CACNA1C: variants seen among roughly 807,000 people sequenced by gnomAD.
The protein encoded by CACNA1C is voltage-dependent L-type calcium channel subunit alpha-1C.
In CACNA1C, 30 loss-of-function variants were observed where a neutral mutation model predicts 229.0. That is an observed-to-expected ratio of 0.13 (90% CI 0.10 to 0.18). The LOEUF is 0.18. Ranked by LOEUF, CACNA1C falls within the 10% of genes least tolerant of loss-of-function variation. The pLI is 1.00. For synonymous variants in CACNA1C, 1,114 were observed against 1,132.5 expected, an observed-to-expected ratio of 0.98 and a Z score of 0.33; for missense variants, 1,658 against 2,845.0, an observed-to-expected ratio of 0.58 and a Z score of 9.49.
At chr12:2,550,698 G>A (rs755483737) in intron 10 of CACNA1C, 91 of 1,303,814 alleles carry the variant, frequency 7.0e-5, no homozygotes, top group Non-Finnish European at 9.0e-5. Flanking sequence ...CACCTGGGGG[G>A]CGGGGCAGGG....
chr12:2,075,552 C>CTCATG (rs1342761760), intron 1 of CACNA1C, among the ~76,000 whole-genome samples: 5 of 152,218 alleles, frequency 3.3e-5, no homozygotes, highest in African/African-American at 1.2e-4. Flanking sequence ...GCTTCTAAAA[C>CTCATG]GCTTTGCCAT....
intron 1 of CACNA1C, among the ~76,000 whole-genome samples, chr12:1,987,565 A>G (rs1437467501): frequency 6.6e-6 from 1 of 152,164 alleles, no homozygotes; most frequent in African/African-American, 2.4e-5. Context: ...TACATCTACG[A>G]CAGTTCTTTC....
intron 3 of CACNA1C, among the ~76,000 whole-genome samples, chr12:2,286,311 C>T (rs1235967463): frequency 1.3e-5 from 2 of 152,212 alleles, no homozygotes; most frequent in East Asian, 3.8e-4. Context: ...CCTTAATTAT[C>T]CTAGGCTCTG....
chr12:2,047,146 A>G (rs1442104441), intron 1 of CACNA1C, among the ~76,000 whole-genome samples: 1 of 152,156 alleles, frequency 6.6e-6, no homozygotes, highest in East Asian at 1.9e-4. Flanking sequence ...TGATTCTATA[A>G]TTTGCTGACA....
intron 3 of CACNA1C, among the ~76,000 whole-genome samples, chr12:2,284,302 T>G (rs1241275258): frequency 6.6e-6 from 1 of 152,072 alleles, no homozygotes; most frequent in Admixed American, 6.5e-5. Flanking sequence ...GATTTTTTTT[T>G]TTTTTTTTGG....
At chr12:2,549,524 G>A (rs2099892520) in intron 9 of CACNA1C, among the ~76,000 whole-genome samples, 1 of 152,222 alleles carries the variant, frequency 6.6e-6, no homozygotes, top group Admixed American at 6.5e-5. Flanking sequence ...GCCCCTTAGA[G>A]ATGGTGGGTG....
chr12:2,394,302 T>C lies in CACNA1C; in HGVS notation c.478-54674T>C, dbSNP rs7305514. Among the ~76,000 whole-genome samples the C allele has an allele frequency of 7.9e-3, 1,199 of 152,254 alleles. 7 individuals carry two copies. The highest frequency in any genetic ancestry group is 0.023 in the African/African-American group (957 of 41,546). On this transcript the variant is annotated intron_variant, in intron 3 of 46. Coordinates refer to ENST00000399655, the MANE Select transcript of CACNA1C (RefSeq NM_000719.7). ...TGGTCCCTGGCCCACAGGAGAAACT[T>C]GGACACAGCCATGATAAACGCAGGC...
At position 2,593,292 on chromosome 12, in the gene CACNA1C, G is replaced by T; in HGVS notation, c.2610G>T (p.Lys870Asn). The T allele has an allele frequency of 6.2e-7, 1 of 1,613,836 alleles. No individual in the cohort carries two copies. ...RPLSELHLKE[K>N]AVPMPEASAF... ...TCTCTGAGCTTCACCTTAAGGAAAA[G>T]GCAGTGCCCATGCCAGAAGCCAGCG... Residue 870 changes from lysine (K) to asparagine (N), a missense_variant, in exon 19 of 47, where the codon AAG (lysine) becomes AAT (asparagine). Lys to Asn is a moderately conservative substitution (Grantham distance 94). Around this residue, in one of 20 missense-constraint regions of CACNA1C, gnomAD observed 121 missense variants for 128.8 expected, o/e 0.94. Coordinates refer to ENST00000399655, the MANE Select transcript of CACNA1C (RefSeq NM_000719.7).
chr12:2,501,229 A>AAAAAAAAAAAAAAAAAC (rs1268725475), intron 7 of CACNA1C, among the ~76,000 whole-genome samples: 1 of 150,870 alleles, frequency 6.6e-6, no homozygotes, highest in Non-Finnish European at 1.5e-5. Flanking sequence ...AAAAAAAAAA[A>AAAAAAAAAAAAAAAAAC]AAAAAGTAAA....
intron 8 of CACNA1C, among the ~76,000 whole-genome samples, chr12:2,509,684 G>GA (rs1358151654): frequency 6.6e-6 from 1 of 152,096 alleles, no homozygotes; most frequent in Non-Finnish European, 1.5e-5. Context: ...CATTATGCTT[G>GA]GGGCCATTTT....
intron 9 of CACNA1C, among the ~76,000 whole-genome samples, chr12:2,527,220 G>C (rs1848782782): frequency 6.6e-6 from 1 of 152,174 alleles, no homozygotes; most frequent in Non-Finnish European, 1.5e-5. Flanking sequence ...AACTTCAATA[G>C]TGCCTTGTGT....
Position 2,651,001 on chromosome 12 carries a change from G to A in CACNA1C, c.3946-639G>A, listed in dbSNP as rs2094906549. On this transcript the variant is annotated intron_variant, in intron 31 of 46. Transcript: ENST00000399655. The surrounding 1 kb of genome is among the most constrained non-coding windows in gnomAD (Gnocchi z 5.4). ...CAAACCAGACCCTCTCCAGCACTGA[G>A]TAGCACCCGTAATCCCTCCCTTTGG... 6.6e-6 allele frequency: 1 copy of A among 152,628 alleles called. No individual in the cohort carries two copies. The highest frequency in any genetic ancestry group is 2.4e-5 in the African/African-American group (1 of 41,456). The allele number at this position is 152,628 out of a possible 1,614,324, so 9.5% of individuals were successfully genotyped here. A position where few individuals can be genotyped will look rare whatever the true frequency, so the allele number is the denominator to read the frequency against.
intron 3 of CACNA1C, among the ~76,000 whole-genome samples, chr12:2,236,477 CA>C (rs1287830176): frequency 1.3e-5 from 2 of 152,134 alleles, no homozygotes; most frequent in African/African-American, 4.8e-5. Flanking sequence ...AGTTAGTAAT[CA>C]ATTTTTTGTT....
intron 3 of CACNA1C, among the ~76,000 whole-genome samples, chr12:2,261,191 C>T (rs186394606): frequency 6.6e-6 from 1 of 151,540 alleles, no homozygotes; most frequent in East Asian, 1.9e-4. Flanking sequence ...GAGATAGTGC[C>T]ACTGCACTCC....
At chr12:2,264,399 A>G (rs1162857948) in intron 3 of CACNA1C, among the ~76,000 whole-genome samples, 2 of 152,218 alleles carry the variant, frequency 1.3e-5, no homozygotes, top group Non-Finnish European at 2.9e-5. Flanking sequence ...GAATGTCTGC[A>G]CTGACAAGAA....
At chr12:2,355,703 C>T (rs540290654) in intron 3 of CACNA1C, among the ~76,000 whole-genome samples, 9 of 152,244 alleles carry the variant, frequency 5.9e-5, no homozygotes, top group African/African-American at 1.2e-4. Context: ...GCAATGGGGG[C>T]GATTTTACCA....
chr12:2,589,664 AC>A (rs2064276333), intron 18 of CACNA1C, among the ~76,000 whole-genome samples: 1 of 145,150 alleles, frequency 6.9e-6, no homozygotes, highest in Non-Finnish European at 1.6e-5. Context: ...GGAGGCCCTG[AC>A]CTGATGTCCG....
rs146863351 is a variant in CACNA1C at position 2,005,267 on chromosome 12, C to T, written c.139+34066C>T. Among the ~76,000 whole-genome samples, 117 of 152,128 alleles carry T rather than the reference C, an allele frequency of 7.7e-4. 1 individual carries two copies. Among genetic ancestry groups the T allele is most frequent in the African/African-American group, 2.7e-3 (110 of 41,490 alleles). ...GGGTACAATTCTTTTTAACATTCTG[C>T]ATGAAAAAATAGGAAATAGGCATAA... On this transcript the variant is annotated intron_variant, in intron 1 of 46. Coordinates refer to the CACNA1C transcript ENST00000682462.
chr12:2,487,321 C>T lies in CACNA1C; in HGVS notation c.916+1059C>T, dbSNP rs536356152. Among the ~76,000 whole-genome samples, 125 of 151,560 alleles carry T rather than the reference C, an allele frequency of 8.2e-4. 2 individuals carry two copies. The highest frequency in any genetic ancestry group is 1.8e-4 in the Non-Finnish European group (12 of 67,954). On this transcript the variant is annotated intron_variant, in intron 6 of 46. Transcript: ENST00000399655. ...ATCGACACTGCACCTCATTCCCACTCAGTCCCAGCACTCAGTTAAATGGGA... is the reference window on the plus strand; with the variant it reads ...ATCGACACTGCACCTCATTCCCACTTAGTCCCAGCACTCAGTTAAATGGGA...
Sources: allele counts gnomAD v4.1 joint callset (sites outside exome capture counted in the v4.1 genomes callset), GRCh38; gene constraint gnomAD v4.1.1; regional missense constraint gnomAD v4.1.1; non-coding constraint Gnocchi (gnomAD v3.1); transcripts MANE v1.5; gene names NCBI Gene and HGNC (gene_info 2026-07-23, HGNC 2026-07-21).